The following ZBTB10 variants were observed in gnomAD, a reference collection of about 807,000 sequenced individuals.
The protein encoded by ZBTB10 is zinc finger and BTB domain containing 10, also known as zinc finger and BTB domain-containing protein 10.
Under a neutral mutation model 76.4 loss-of-function variants are expected in ZBTB10, and 32 were observed. That is an observed-to-expected ratio of 0.42 (90% CI 0.32 to 0.56). The LOEUF is 0.56. ZBTB10 is among the 20% of genes least tolerant of loss of function. The pLI, the probability that ZBTB10 is intolerant of heterozygous loss-of-function variation, is 0.14. For synonymous variants in ZBTB10, 523 were observed against 432.9 expected, an observed-to-expected ratio of 1.21 and a Z score of -2.58; for missense variants, 1,057 against 1,098.5, an observed-to-expected ratio of 0.96 and a Z score of 0.53.
intron 2 of ZBTB10, among the ~76,000 whole-genome samples, chr8:80,513,180 A>G (rs186289612): frequency 2.0e-5 from 3 of 151,520 alleles, no homozygotes; most frequent in Admixed American, 2.0e-4. Context: ...TCACTCTGTC[A>G]CCCCAGGCTG....
chr8:80,491,913 A>G (rs968579631), intron 1 of ZBTB10, among the ~76,000 whole-genome samples: 9 of 152,244 alleles, frequency 5.9e-5, no homozygotes, highest in Non-Finnish European at 1.3e-4. Flanking sequence ...ACAGAAACTA[A>G]GTAATGAATT....
Position 80,504,324 on chromosome 8 carries a change from T to C in ZBTB10, c.1861+3942T>C, listed in dbSNP as rs1324333226. On this transcript the variant is annotated intron_variant, in intron 2 of 5. Transcript: ENST00000455036. Reference sequence around the variant, plus strand: ...ATCTGCAAACAATGCTTGGCATGTTTGGATTTGGCGGGGGTCTCTTCTAGT... The same window carrying C: ...ATCTGCAAACAATGCTTGGCATGTTCGGATTTGGCGGGGGTCTCTTCTAGT... Among the ~76,000 whole-genome samples the C allele has an allele frequency of 8.5e-5, 13 of 152,214 alleles. No homozygotes were observed. In the East Asian group the frequency reaches 2.3e-3, roughly 27 times the overall value.
upstream of ZBTB10, chr8:80,486,106 C>T: frequency 2.1e-6 from 1 of 468,844 alleles, no homozygotes; most frequent in South Asian, 2.5e-5. Context: ...CCCCTGGCGC[C>T]CCCACCCCAC....
At position 80,521,953 on chromosome 8, in the gene ZBTB10, T is replaced by C. The variant is rs1234892226; in HGVS notation, c.*2425T>C. ...GATACTTTAAAAGTTTGTTTTTAGGTAATCCAAAGGAAAAGTGTTTATACT... is the reference window on the plus strand; with the variant it reads ...GATACTTTAAAAGTTTGTTTTTAGGCAATCCAAAGGAAAAGTGTTTATACT... On this transcript the variant is annotated 3_prime_UTR_variant, in exon 6 of 6. Transcript: ENST00000455036. 6.6e-6 allele frequency: 1 copy of C among 151,904 alleles called. No individual in the cohort carries two copies. Among genetic ancestry groups the C allele is most frequent in the Non-Finnish European group, 1.5e-5 (1 of 67,792 alleles). 9.4% of individuals were successfully genotyped at this position (151,904 alleles called of 1,614,324 possible).
rs1816555480 is a variant in ZBTB10 at position 80,526,072 on chromosome 8, A to G, written c.*6544A>G. 1 of 152,046 alleles carries G rather than the reference A, an allele frequency of 6.6e-6. No homozygotes were observed. Among genetic ancestry groups the G allele is most frequent in the South Asian group, 2.1e-4 (1 of 4,822 alleles). 9.4% of individuals were successfully genotyped at this position (152,046 alleles called of 1,614,324 possible). A position where few individuals can be genotyped will look rare whatever the true frequency, so the allele number is the denominator to read the frequency against. On this transcript the variant is annotated 3_prime_UTR_variant, in exon 6 of 6. Coordinates refer to ENST00000455036, the MANE Select transcript of ZBTB10 (RefSeq NM_001105539.3). ...GTAGCCTTTGTGATTTTTTTTTTAA[A>G]CCGTCTCCATAACAGAACACTTAGA...
rs1563460102 is a variant in ZBTB10, at chr8:80,499,829, C to T, written c.1308C>T (p.Ala436=). Residue 436 remains alanine (A), a synonymous_variant, in exon 2 of 6, where the codon GCC becomes GCT. Transcript: ENST00000455036. ...ACCTGGTGCTCACAAGCCAAAATGC[C>T]ATTGAAGTTATGACCGTGGCCAGCT... The part of the protein sequence containing the change: ...SGNLVLTSQN[A]IEVMTVASYL... 4 of 1,614,000 alleles carry T rather than the reference C, an allele frequency of 2.5e-6. No individual in the cohort carries two copies. The highest frequency in any genetic ancestry group is 3.4e-6 in the Non-Finnish European group (4 of 1,179,890).
intron 2 of ZBTB10, among the ~76,000 whole-genome samples, chr8:80,504,466 G>C (rs1026452141): frequency 1.3e-5 from 2 of 152,048 alleles, no homozygotes; most frequent in Non-Finnish European, 2.9e-5. Flanking sequence ...GAGATAAGAA[G>C]GTGTACCCAT....
chr8:80,487,194 C>T lies in ZBTB10; in HGVS notation c.384C>T (p.Gly128=). The change falls in exon 1 of 6, where the codon GGC becomes GGT. Residue 128 remains glycine (G), a synonymous_variant. Coordinates refer to ENST00000455036, the MANE Select transcript of ZBTB10 (RefSeq NM_001105539.3). ...RNRRTLAFRG[G]GGGGLGNNGS... is the part of the protein sequence containing the mutation. ...GTCGGACTCTGGCCTTCCGAGGCGG[C>T]GGCGGCGGGGGTCTCGGCAACAATG... is the stretch of plus-strand genomic sequence containing the variant. 2 of 1,538,342 alleles carry T rather than the reference C, an allele frequency of 1.3e-6. No homozygotes were observed. Among genetic ancestry groups the T allele is most frequent in the Non-Finnish European group, 1.7e-6 (2 of 1,144,406 alleles).
In ZBTB10 at chr8:80,486,960, AGCGCCGCCC is replaced by A. The variant is rs1435753108; in HGVS notation, c.155_163del (p.Pro52_Ala54del). ...CCCAGCCGAGACAGCCCCCGCCGCC[AGCGCCGCCC>A]GCGCTTCAGCCGCCTAATGGGCGGG... On this transcript the variant is annotated inframe_deletion, in exon 1 of 6. Transcript: ENST00000455036. The A allele has an allele frequency of 1.3e-6, 2 of 1,512,240 alleles. No individual in the cohort carries two copies. The highest frequency in any genetic ancestry group is 1.8e-6 in the Non-Finnish European group (2 of 1,135,344). The allele number at this position is 1,512,240 out of a possible 1,614,324, so 93.7% of individuals were successfully genotyped here.
At chr8:80,495,512 C>T (rs560546517) in intron 1 of ZBTB10, among the ~76,000 whole-genome samples, 4 of 151,058 alleles carry the variant, frequency 2.6e-5, no homozygotes, top group East Asian at 1.9e-4. Flanking sequence ...CTTGTTTCTT[C>T]GAAAAAGCAT....
intron 2 of ZBTB10, among the ~76,000 whole-genome samples, chr8:80,506,332 T>C (rs1816052074): frequency 1.3e-5 from 2 of 152,178 alleles, no homozygotes; most frequent in African/African-American, 2.4e-5. Context: ...TTTCTTTTTT[T>C]GAGATAGAGT....
chr8:80,511,694 C>A (rs1816198417), intron 2 of ZBTB10, among the ~76,000 whole-genome samples: 1 of 152,096 alleles, frequency 6.6e-6, no homozygotes, highest in Non-Finnish European at 1.5e-5. Context: ...AACAAAACCA[C>A]TAAATTTCAA....
rs961318479 is a variant in ZBTB10, at chr8:80,520,690, A to C, written c.*1162A>C. 4 of 152,006 alleles carry C rather than the reference A, an allele frequency of 2.6e-5. No individual in the cohort carries two copies. Among genetic ancestry groups the C allele is most frequent in the African/African-American group, 7.2e-5 (3 of 41,442 alleles). 9.4% of individuals were successfully genotyped at this position (152,006 alleles called of 1,614,324 possible). On this transcript the variant is annotated 3_prime_UTR_variant, in exon 6 of 6. Transcript: ENST00000455036. ...TTAATTTATTTTTTTCTGTCCTTGA[A>C]GTCACTACACCTTGATACAGTCTTT...
In ZBTB10 at chr8:80,526,160, T is replaced by C. The variant is rs1816557735; in HGVS notation, c.*6632T>C. 1 of 152,156 alleles carries C rather than the reference T, an allele frequency of 6.6e-6. No homozygotes were observed. The highest frequency in any genetic ancestry group is 2.4e-5 in the African/African-American group (1 of 41,448). The allele number at this position is 152,156 out of a possible 1,614,324, so 9.4% of individuals were successfully genotyped here. A position where few individuals can be genotyped will look rare whatever the true frequency, so the allele number is the denominator to read the frequency against. Reference sequence around the variant, plus strand: ...TGTCTGGCATATACACCACTAACATTTAAATGCCCAACATTCGGTCTATAC... The same window carrying C: ...TGTCTGGCATATACACCACTAACATCTAAATGCCCAACATTCGGTCTATAC... On this transcript the variant is annotated 3_prime_UTR_variant, in exon 6 of 6. Coordinates refer to ENST00000455036, the MANE Select transcript of ZBTB10 (RefSeq NM_001105539.3).
chr8:80,500,051 G>T lies in ZBTB10; in HGVS notation c.1530G>T (p.Leu510Phe), dbSNP rs1283931133. Residue 510 changes from leucine (L) to phenylalanine (F), a missense_variant, in exon 2 of 6, where the codon TTG becomes TTT. Physicochemically the swap from Leu to Phe is conservative, Grantham distance 22. Around this residue, in one of 5 missense-constraint regions of ZBTB10, gnomAD observed 306 missense variants for 297.5 expected, o/e 1.03. Coordinates refer to ENST00000455036, the MANE Select transcript of ZBTB10 (RefSeq NM_001105539.3). ...SFWATRNLTN[L>F]ASNVKIENDG... ...GGGCAACACGGAATCTTACCAATTT[G>T]GCAAGTAATGTAAAGATTGAAAATG... 1 of 1,613,924 alleles carries T rather than the reference G, an allele frequency of 6.2e-7. No individual in the cohort carries two copies. The highest frequency in any genetic ancestry group is 8.5e-7 in the Non-Finnish European group (1 of 1,179,860).
At position 80,523,930 on chromosome 8, in the gene ZBTB10, T is replaced by C. The variant is rs1816499490; in HGVS notation, c.*4402T>C. 1 of 152,038 alleles carries C rather than the reference T, an allele frequency of 6.6e-6. No individual in the cohort carries two copies. The highest frequency in any genetic ancestry group is 6.6e-5 in the Admixed American group (1 of 15,236). The allele number at this position is 152,038 out of a possible 1,614,324, so 9.4% of individuals were successfully genotyped here. A position where few individuals can be genotyped will look rare whatever the true frequency, so the allele number is the denominator to read the frequency against. ...GAAGACCAACTTTTTAAAATGTAAA[T>C]TACCTACCTAATATAAGTGTCCTAA... On this transcript the variant is annotated 3_prime_UTR_variant, in exon 6 of 6. Coordinates refer to ENST00000455036, the MANE Select transcript of ZBTB10 (RefSeq NM_001105539.3).
rs547706216 is a variant in ZBTB10 at position 80,521,564 on chromosome 8, A to T, written c.*2036A>T. The T allele has an allele frequency of 6.6e-6, 1 of 151,850 alleles. No homozygotes were observed. Among genetic ancestry groups the T allele is most frequent in the African/African-American group, 2.4e-5 (1 of 41,508 alleles). The allele number at this position is 151,850 out of a possible 1,614,324, so 9.4% of individuals were successfully genotyped here. A position where few individuals can be genotyped will look rare whatever the true frequency, so the allele number is the denominator to read the frequency against. On this transcript the variant is annotated 3_prime_UTR_variant, in exon 6 of 6. Transcript: ENST00000455036. ...AAGATATATATCTAAAAATCACCTA[A>T]ATCTGCTTTATTAGACTACAGTTCA...
rs1186071826 is a variant in ZBTB10, at chr8:80,518,543, C to T, written c.2101C>T (p.Pro701Ser). The T allele has an allele frequency of 6.4e-7, 1 of 1,552,658 alleles. No individual in the cohort carries two copies. The highest frequency in any genetic ancestry group is 2.0e-5 in the Admixed American group (1 of 51,092). The change falls in exon 4 of 6, where the codon CCA becomes TCA. Residue 701 changes from proline (P) to serine (S), a missense_variant. Physicochemically the swap from Pro to Ser is moderately conservative, Grantham distance 74 (BLOSUM62 -1). Around this residue, in one of 5 missense-constraint regions of ZBTB10, gnomAD observed 306 missense variants for 297.5 expected, o/e 1.03. Transcript: ENST00000455036. ...AAATGATTTCAAGTATGGATTATTGCCAGAATCTTGGCCAAAACAAGAAAC... is the reference window on the plus strand; with the variant it reads ...AAATGATTTCAAGTATGGATTATTGTCAGAATCTTGGCCAAAACAAGAAAC... Reference protein sequence around the residue: ...ASNDFKYGLLPESWPKQETWE... With the variant: ...ASNDFKYGLLSESWPKQETWE...
Position 80,521,472 on chromosome 8 carries a change from C to G in ZBTB10, c.*1944C>G, listed in dbSNP as rs1184132327. The G allele has an allele frequency of 6.6e-6, 1 of 151,418 alleles. No homozygotes were observed. The highest frequency in any genetic ancestry group is 1.5e-5 in the Non-Finnish European group (1 of 67,654). The allele number at this position is 151,418 out of a possible 1,614,324, so 9.4% of individuals were successfully genotyped here. ...AAGATTTCTTTCATCCCATTTATCC[C>G]CTTCCTTTAAATAAACTAGTTTACA... On this transcript the variant is annotated 3_prime_UTR_variant, in exon 6 of 6. Transcript: ENST00000455036.
Sources: gnomAD v4.1 joint callset for allele counts (sites outside exome capture counted in the v4.1 genomes callset) on GRCh38, gnomAD v4.1.1 for gene constraint, gnomAD v4.1.1 regional missense constraint, MANE v1.5 for transcripts, NCBI Gene and HGNC (gene_info 2026-07-23, HGNC 2026-07-21) for gene names.